Variants in ITPRID1 observed in about 807,000 individuals in gnomAD.
The protein encoded by ITPRID1 is protein ITPRID1.
Under a neutral mutation model 95.4 loss-of-function variants are expected in ITPRID1, and 96 were observed. The ratio of observed to expected loss-of-function variants is 1.01; its 90% CI spans 0.85 to 1.19. The LOEUF (loss-of-function observed/expected upper bound fraction) is 1.19. ITPRID1 is among the 50% of genes most tolerant of loss of function. The pLI, the probability that ITPRID1 is intolerant of heterozygous loss-of-function variation, is 0.00. For synonymous variants in ITPRID1, 510 were observed against 453.6 expected (o/e 1.12, Z -1.58); for missense variants, 1,339 against 1,252.9 (o/e 1.07, Z -1.04).
intron 10 of ITPRID1, among the ~76,000 whole-genome samples, chr7:31,615,692 A>ATCTTGGT (rs1787138287): frequency 2.0e-5 from 3 of 152,146 alleles, no homozygotes; most frequent in Non-Finnish European, 4.4e-5. Flanking sequence ...ATTACTAATA[A>ATCTTGGT]CATACTAAGT....
chr7:31,580,000 A>G lies in ITPRID1; in HGVS notation c.1170+1566A>G, dbSNP rs943328523. 9.9e-5 allele frequency among the ~76,000 whole-genome samples: 15 copies of G among 152,160 alleles called. 1 individual carries two copies. The highest frequency in any genetic ancestry group is 6.5e-4 in the Admixed American group (10 of 15,270). ...TTACCAAGCCAATAGTTAAATTACTATAAAGAATGTCAAGCCTGCTGGGTG... is the reference window on the plus strand; with the variant it reads ...TTACCAAGCCAATAGTTAAATTACTGTAAAGAATGTCAAGCCTGCTGGGTG... On this transcript the variant is annotated intron_variant, in intron 9 of 14. Coordinates refer to ENST00000615280, the MANE Select transcript of ITPRID1 (RefSeq NM_001257967.3).
At chr7:31,637,863 G>A (rs908246426) in intron 10 of ITPRID1, among the ~76,000 whole-genome samples, 1 of 152,134 alleles carries the variant, frequency 6.6e-6, no homozygotes. Flanking sequence ...GGTTTTTATG[G>A]TTTTAGGTCT....
rs1352920415 is a variant in ITPRID1 at position 31,643,649 on chromosome 7, C to G, written c.2279C>G (p.Ala760Gly). 3 of 1,613,934 alleles carry G rather than the reference C, an allele frequency of 1.9e-6. No individual in the cohort carries two copies. The African/African-American group carries it at 4.0e-5, about 22-fold the overall frequency. ...ACAAAAGCAAGACAGTTAAATGATG[C>G]TTCCATTCAGACTTCAGCTCTAAGC... ...LGTKARQLND[A>G]SIQTSALSNK... The change falls in exon 12 of 15, where the codon GCT becomes GGT. Residue 760 changes from alanine (A) to glycine (G), a missense_variant. Physicochemically the swap from Ala to Gly is moderately conservative, Grantham distance 60. Transcript: ENST00000615280.
intron 10 of ITPRID1, among the ~76,000 whole-genome samples, chr7:31,627,256 A>G (rs567880068): frequency 2.2e-3 from 330 of 152,350 alleles, no homozygotes; most frequent in African/African-American, 7.2e-3. Flanking sequence ...GACTACATCA[A>G]ATAATTTTAT....
At chr7:31,556,349 G>A (rs1185304648) in intron 5 of ITPRID1, among the ~76,000 whole-genome samples, 1 of 152,092 alleles carries the variant, frequency 6.6e-6, no homozygotes, top group Non-Finnish European at 1.5e-5. Context: ...CTTGTACAAG[G>A]CCCTTTCTCA....
At chr7:31,563,604 A>G (rs1224140013) in intron 5 of ITPRID1, among the ~76,000 whole-genome samples, 1 of 152,178 alleles carries the variant, frequency 6.6e-6, no homozygotes, top group African/African-American at 2.4e-5. Flanking sequence ...CAAGCATGTT[A>G]CACATTTGCC....
At chr7:31,575,075 G>A (rs1785133117) in intron 8 of ITPRID1, among the ~76,000 whole-genome samples, 1 of 152,092 alleles carries the variant, frequency 6.6e-6, no homozygotes, top group African/African-American at 2.4e-5. Flanking sequence ...ACACACAGCG[G>A]GTCTTGTTCA....
intron 1 of ITPRID1, among the ~76,000 whole-genome samples, chr7:31,532,947 A>C (rs781260850): frequency 1.3e-5 from 2 of 152,180 alleles, no homozygotes; most frequent in South Asian, 2.1e-4. Flanking sequence ...TTTTGTATCT[A>C]TGTTTATTAA....
intron 1 of ITPRID1, among the ~76,000 whole-genome samples, chr7:31,527,089 TTC>T (rs1367695161): frequency 1.3e-5 from 2 of 152,296 alleles, no homozygotes; most frequent in Middle Eastern, 3.4e-3. Flanking sequence ...GTGGAATTTA[TTC>T]TCTCTCTTGA....
At chr7:31,608,005 G>A (rs901264131) in intron 10 of ITPRID1, among the ~76,000 whole-genome samples, 3 of 151,742 alleles carry the variant, frequency 2.0e-5, no homozygotes, top group African/African-American at 7.3e-5. Context: ...TCTTTGAAAA[G>A]ATCAATGATA....
At chr7:31,525,495 C>G in intron 1 of ITPRID1, among the ~76,000 whole-genome samples, 1 of 152,170 alleles carries the variant, frequency 6.6e-6, no homozygotes. Context: ...GGTATAGTAA[C>G]AGGCACAATG....
Position 31,652,006 on chromosome 7 carries a change from C to A in ITPRID1, c.2779C>A (p.Gln927Lys), listed in dbSNP as rs775394028. 1 of 1,605,240 alleles carries A rather than the reference C, an allele frequency of 6.2e-7. No individual in the cohort carries two copies. Among genetic ancestry groups the A allele is most frequent in the South Asian group, 1.1e-5 (1 of 88,710 alleles). Reference sequence around the variant, plus strand: ...GCAGCAGGTGGCAGAGTTGGAATTTCAGTTAGGAGACCGGGCTCAGCAAAT... The same window carrying A: ...GCAGCAGGTGGCAGAGTTGGAATTTAAGTTAGGAGACCGGGCTCAGCAAAT... Reference protein sequence around the residue: ...LRQQVAELEFQLGDRAQQIRE... With the variant: ...LRQQVAELEFKLGDRAQQIRE... Residue 927 changes from glutamine to lysine, a missense_variant, in exon 14 of 15, where the codon CAG becomes AAG. Coordinates refer to ENST00000615280, the MANE Select transcript of ITPRID1 (RefSeq NM_001257967.3).
chr7:31,603,227 A>G (rs1464704805), intron 10 of ITPRID1, among the ~76,000 whole-genome samples: 1 of 152,138 alleles, frequency 6.6e-6, no homozygotes, highest in Non-Finnish European at 1.5e-5. Context: ...GAACCTCACT[A>G]TTAACACATT....
At position 31,519,618 on chromosome 7, in the gene ITPRID1, CTCTATATATA is replaced by C. The variant is rs1211870906; in HGVS notation, c.-98+5500_-98+5509del. ...TCTCTCTCTCTCTCTCTCTCTCTCT[CTCTATATATA>C]TATATATATATATATATAAATCTTA... is the stretch of plus-strand genomic sequence containing the variant. On this transcript the variant is annotated intron_variant, in intron 1 of 14. Coordinates refer to ENST00000615280, the MANE Select transcript of ITPRID1 (RefSeq NM_001257967.3). Among the ~76,000 whole-genome samples the C allele has an allele frequency of 9.5e-5, 3 of 31,696 alleles. No homozygotes were observed. In the Admixed American group the frequency reaches 1.3e-3, roughly 13 times the overall value. The allele number at this position is 31,696 out of a possible 152,430, so 20.8% of individuals were successfully genotyped here.
intron 5 of ITPRID1, among the ~76,000 whole-genome samples, chr7:31,558,676 G>A (rs574650574): frequency 1.1e-4 from 16 of 152,130 alleles, no homozygotes; most frequent in African/African-American, 3.9e-4. Context: ...TCTCACCTCA[G>A]AAAGAGGTAT....
chr7:31,548,898 G>A (rs1285125165), intron 1 of ITPRID1, among the ~76,000 whole-genome samples: 2 of 152,080 alleles, frequency 1.3e-5, no homozygotes, highest in Admixed American at 6.6e-5. Flanking sequence ...TGGAACACAT[G>A]GATCTATGTA....
At chr7:31,600,881 GC>G (rs1786365837) in intron 10 of ITPRID1, among the ~76,000 whole-genome samples, 1 of 151,914 alleles carries the variant, frequency 6.6e-6, no homozygotes, top group Non-Finnish European at 1.5e-5. Context: ...TCAGGAAATG[GC>G]CTCTCCCTGG....
chr7:31,584,965 A>G (rs763602761), intron 10 of ITPRID1, among the ~76,000 whole-genome samples: 6 of 152,238 alleles, frequency 3.9e-5, no homozygotes, highest in Admixed American at 3.9e-4. Flanking sequence ...TTCCTCTTGG[A>G]ACATTCCCTC....
At chr7:31,522,783 T>G (rs1171708138) in intron 1 of ITPRID1, among the ~76,000 whole-genome samples, 1 of 152,182 alleles carries the variant, frequency 6.6e-6, no homozygotes, top group Non-Finnish European at 1.5e-5. Flanking sequence ...AAGCCAAAAC[T>G]CCCGTATTCT....
Sources: gnomAD v4.1 joint callset for allele counts (sites outside exome capture counted in the v4.1 genomes callset) on GRCh38, gnomAD v4.1.1 for gene constraint, MANE v1.5 for transcripts, NCBI Gene and HGNC (gene_info 2026-07-23, HGNC 2026-07-21) for gene names.